IFT56: variants seen among roughly 807,000 people sequenced by gnomAD.
IFT56 encodes the protein intraflagellar transport 56, also known as intraflagellar transport protein 56.
chr7:139,179,042 G>A, the IFT56 span, among the ~76,000 whole-genome samples: 5 of 152,172 alleles, frequency 3.3e-5, no homozygotes, highest in Non-Finnish European at 7.3e-5. Flanking sequence ...CTATCAGTAT[G>A]TTTCTTATTT....
the IFT56 span, chr7:139,139,999 T>G: frequency 6.2e-7 from 1 of 1,604,606 alleles, no homozygotes; most frequent in Non-Finnish European, 8.5e-7. Context: ...GCAGCTGGAT[T>G]TAAAGGTAAA....
At chr7:139,137,926 A>C in the IFT56 span, 1 of 1,612,756 alleles carries the variant, frequency 6.2e-7, no homozygotes, top group Non-Finnish European at 8.5e-7. Context: ...GGTGACTACA[A>C]GAGAGCTCTG....
the IFT56 span, chr7:139,189,390 G>A: frequency 8.7e-6 from 14 of 1,613,192 alleles, no homozygotes; most frequent in African/African-American, 8.0e-5. Flanking sequence ...ACATGATCCG[G>A]ATCATGAAGA....
At chr7:139,140,668 G>A in the IFT56 span, among the ~76,000 whole-genome samples, 3 of 151,468 alleles carry the variant, frequency 2.0e-5, no homozygotes, top group Non-Finnish European at 4.4e-5. Flanking sequence ...CCAGCTACTT[G>A]GGAGGCTGAG....
chr7:139,182,021 C>G, the IFT56 span, among the ~76,000 whole-genome samples: 1 of 151,238 alleles, frequency 6.6e-6, no homozygotes, highest in South Asian at 2.1e-4. Context: ...GACAAAGGAA[C>G]CAGAAAAAGA....
chr7:139,157,139 C>CTTTTTT, the IFT56 span, among the ~76,000 whole-genome samples: 203 of 82,086 alleles, frequency 2.5e-3, no homozygotes, highest in Non-Finnish European at 3.6e-3. Flanking sequence ...TCTTTAATTT[C>CTTTTTT]TTTTTTTTTT....
the IFT56 span, chr7:139,147,442 G>T: frequency 1.4e-6 from 1 of 714,070 alleles, no homozygotes; most frequent in Non-Finnish European, 2.2e-6. Context: ...ATTAGATATT[G>T]TCTAAATCAG....
chr7:139,144,879 A>G, the IFT56 span, among the ~76,000 whole-genome samples: 1 of 152,062 alleles, frequency 6.6e-6, no homozygotes, highest in South Asian at 2.1e-4. Flanking sequence ...TTTAAAGTCC[A>G]TGTCTAGTAA....
chr7:139,150,717 T>C, the IFT56 span, among the ~76,000 whole-genome samples: 1 of 152,250 alleles, frequency 6.6e-6, no homozygotes, highest in Non-Finnish European at 1.5e-5. Flanking sequence ...TGTATTACAT[T>C]GTTCAGTGTC....
At chr7:139,168,794 C>T in the IFT56 span, among the ~76,000 whole-genome samples, 25 of 152,048 alleles carry the variant, frequency 1.6e-4, no homozygotes, top group African/African-American at 6.0e-4. Flanking sequence ...TTTATAAACA[C>T]CAAAACACTG....
the IFT56 span, among the ~76,000 whole-genome samples, chr7:139,183,507 G>A: frequency 6.6e-6 from 1 of 152,028 alleles, no homozygotes; most frequent in Admixed American, 6.6e-5. Context: ...AATAAGGGGG[G>A]AAATGGCAGA....
At chr7:139,180,075 T>C in the IFT56 span, among the ~76,000 whole-genome samples, 1 of 151,730 alleles carries the variant, frequency 6.6e-6, no homozygotes, top group South Asian at 2.1e-4. Context: ...CGGTGGCTCA[T>C]GCCTGTAATC....
chr7:139,178,321 A>T, the IFT56 span: 1 of 1,581,564 alleles, frequency 6.3e-7, no homozygotes, highest in Non-Finnish European at 8.7e-7. Flanking sequence ...AGAATTATCT[A>T]TAAGACTTTA....
the IFT56 span, among the ~76,000 whole-genome samples, chr7:139,138,163 C>T: frequency 6.6e-6 from 1 of 152,128 alleles, no homozygotes; most frequent in Non-Finnish European, 1.5e-5. Flanking sequence ...TGTCCCATTA[C>T]AGTAGTTCCC....
chr7:139,169,998 A>G, the IFT56 span, among the ~76,000 whole-genome samples: 1 of 152,206 alleles, frequency 6.6e-6, no homozygotes, highest in African/African-American at 2.4e-5. Context: ...TGGGCAACAG[A>G]GTGAGACCGT....
At chr7:139,161,748 A>G in the IFT56 span, among the ~76,000 whole-genome samples, 2 of 152,190 alleles carry the variant, frequency 1.3e-5, no homozygotes, top group Non-Finnish European at 2.9e-5. Flanking sequence ...TTCAGTTACT[A>G]AATCCTATTC....
At chr7:139,184,326 G>T in the IFT56 span, among the ~76,000 whole-genome samples, 1 of 152,188 alleles carries the variant, frequency 6.6e-6, no homozygotes, top group African/African-American at 2.4e-5. Flanking sequence ...CCAAACTTTG[G>T]TTGGGAGTCC....
chr7:139,178,359 A>G, the IFT56 span: 5 of 1,512,552 alleles, frequency 3.3e-6, no homozygotes, highest in Admixed American at 8.7e-5. Flanking sequence ...AATGTGTCAG[A>G]GAAGATAAGA....
At chr7:139,166,528 A>G in the IFT56 span, among the ~76,000 whole-genome samples, 26 of 146,156 alleles carry the variant, frequency 1.8e-4, no homozygotes. Context: ...ATATATATAT[A>G]TATGTATCTC....
Sources: gnomAD v4.1 joint callset for allele counts (sites outside exome capture counted in the v4.1 genomes callset) on GRCh38, gnomAD v4.1.1 for gene constraint, MANE v1.5 for transcripts, NCBI Gene and HGNC (gene_info 2026-07-23, HGNC 2026-07-21) for gene names.